Variants in ULK4 observed in about 807,000 individuals in gnomAD.
ULK4 encodes the protein unc-51 like kinase 4.
A neutral mutation model predicts 160.6 loss-of-function variants in ULK4; 133 were observed. The ratio of observed to expected loss-of-function variants is 0.83; its 90% CI spans 0.72 to 0.96. The LOEUF (loss-of-function observed/expected upper bound fraction) is 0.96. ULK4 is among the 40% of genes least tolerant of loss of function. The pLI, the probability that ULK4 is intolerant of heterozygous loss-of-function variation, is 0.00. For missense variants in ULK4, 1,580 were observed against 1,499.5 expected, an observed-to-expected ratio of 1.05 and a Z score of -0.89; for synonymous variants, 534 against 539.8, an observed-to-expected ratio of 0.99 and a Z score of 0.15.
At chr3:41,423,278 T>C (rs1219146006) in intron 34 of ULK4, among the ~76,000 whole-genome samples, 4 of 152,148 alleles carry the variant, frequency 2.6e-5, no homozygotes. Flanking sequence ...CACTTCTATA[T>C]TGCTTGAATT....
intron 17 of ULK4, among the ~76,000 whole-genome samples, chr3:41,860,856 C>A (rs748754288): frequency 2.0e-5 from 3 of 151,968 alleles, no homozygotes; most frequent in African/African-American, 2.4e-5. Flanking sequence ...GATTTAGTTT[C>A]TTGCTTTTTA....
At chr3:41,445,744 C>A (rs1404924065) in intron 34 of ULK4, among the ~76,000 whole-genome samples, 15 of 152,146 alleles carry the variant, frequency 9.9e-5, no homozygotes, top group South Asian at 4.2e-4. Flanking sequence ...TAAAGACTTA[C>A]ATGTTAGACC....
chr3:41,704,126 T>C (rs895672239), intron 27 of ULK4, among the ~76,000 whole-genome samples: 2 of 152,194 alleles, frequency 1.3e-5, no homozygotes, highest in Non-Finnish European at 2.9e-5. Flanking sequence ...TGTTGGAAAT[T>C]TGAAAAACAT....
chr3:41,257,615 A>G (rs1243951770), intron 35 of ULK4, among the ~76,000 whole-genome samples: 1 of 147,210 alleles, frequency 6.8e-6, no homozygotes, highest in African/African-American at 2.6e-5. Context: ...CCTGGGTGAC[A>G]GGGTGAGACT....
At chr3:41,634,731 C>G (rs1165503386) in intron 30 of ULK4, among the ~76,000 whole-genome samples, 2 of 152,094 alleles carry the variant, frequency 1.3e-5, no homozygotes, top group Non-Finnish European at 2.9e-5. Context: ...GGTGACTGAG[C>G]CTTGATTTCT....
At chr3:41,385,575 C>T (rs2081787683) in intron 35 of ULK4, among the ~76,000 whole-genome samples, 1 of 152,078 alleles carries the variant, frequency 6.6e-6, no homozygotes, top group Admixed American at 6.6e-5. Context: ...GTATGCACAG[C>T]CACATGTGCA....
rs746781905 is a variant in ULK4 at position 41,654,037 on chromosome 3, T to C, written c.3071+9570A>G. Among the ~76,000 whole-genome samples the C allele has an allele frequency of 3.3e-5, 5 of 152,348 alleles. No individual in the cohort carries two copies. The East Asian group carries it at 5.8e-4, about 18-fold the overall frequency. On this transcript the variant is annotated intron_variant, in intron 30 of 36. Transcript: ENST00000301831. Reference sequence around the variant, plus strand: ...CCCAGAAATAACTGTTAAGAATTCATGTGACCGTAAACTCACATCTATGTT... The same window carrying C: ...CCCAGAAATAACTGTTAAGAATTCACGTGACCGTAAACTCACATCTATGTT...
At chr3:41,819,904 T>C (rs1409585523) in intron 18 of ULK4, among the ~76,000 whole-genome samples, 2 of 152,208 alleles carry the variant, frequency 1.3e-5, no homozygotes. Flanking sequence ...AACACAAGTT[T>C]GAGTAATATC....
At chr3:41,403,043 G>A (rs146709767) in intron 34 of ULK4, among the ~76,000 whole-genome samples, 201 of 152,092 alleles carry the variant, frequency 1.3e-3, no homozygotes, top group African/African-American at 4.2e-3. Flanking sequence ...CCAGCTACTT[G>A]GGAGGCTGAG....
chr3:41,549,223 G>A (rs4973965), intron 32 of ULK4, among the ~76,000 whole-genome samples: 77,604 of 151,878 alleles, frequency 0.51, 19,931 homozygotes, highest in Middle Eastern at 0.57. Context: ...AGGTATTTGT[G>A]AAAAAGAATT....
intron 5 of ULK4, among the ~76,000 whole-genome samples, chr3:41,930,090 C>T (rs775737499): frequency 2.0e-5 from 3 of 152,138 alleles, no homozygotes; most frequent in Admixed American, 6.5e-5. Context: ...TCAAACTATA[C>T]TACAAGGCCA....
chr3:41,925,613 G>A (rs1699356045), intron 5 of ULK4, among the ~76,000 whole-genome samples: 1 of 152,158 alleles, frequency 6.6e-6, no homozygotes, highest in African/African-American at 2.4e-5. Context: ...AGGCTCAGCG[G>A]GTCCCACCCC....
chr3:41,867,507 G>C lies in ULK4; in HGVS notation c.1656+16367C>G, dbSNP rs1228551715. On this transcript the variant is annotated intron_variant, in intron 17 of 36. Transcript: ENST00000301831. ...ATGCCTCAGCCTCCCAAGTAGCTGGGATTACCGGTGTGTACCACCATGCCC... is the reference window on the plus strand; with the variant it reads ...ATGCCTCAGCCTCCCAAGTAGCTGGCATTACCGGTGTGTACCACCATGCCC... Among the ~76,000 whole-genome samples the C allele has an allele frequency of 2.0e-5, 3 of 152,144 alleles. No individual in the cohort carries two copies. The South Asian group carries it at 6.2e-4, about 31-fold the overall frequency.
At chr3:41,440,062 G>T (rs1382968584) in intron 34 of ULK4, among the ~76,000 whole-genome samples, 1 of 152,150 alleles carries the variant, frequency 6.6e-6, no homozygotes, top group African/African-American at 2.4e-5. Context: ...CTGCAATGTG[G>T]ACAGACTTCT....
intron 2 of ULK4, among the ~76,000 whole-genome samples, chr3:41,947,466 C>T (rs1293955703): frequency 2.6e-5 from 4 of 152,110 alleles, no homozygotes; most frequent in Admixed American, 2.0e-4. Context: ...CAAACTCTTC[C>T]TTACATGTAA....
chr3:41,587,081 G>A (rs953333376), intron 31 of ULK4, among the ~76,000 whole-genome samples: 2 of 152,170 alleles, frequency 1.3e-5, no homozygotes, highest in Admixed American at 6.5e-5. Context: ...CTCCATGGAA[G>A]AATCCTCTTC....
intron 19 of ULK4, among the ~76,000 whole-genome samples, chr3:41,810,262 A>C (rs1443517294): frequency 1.3e-5 from 2 of 152,192 alleles, no homozygotes; most frequent in Admixed American, 6.6e-5. Flanking sequence ...AAATCATTTA[A>C]GGCTATGAAC....
chr3:41,736,721 C>T (rs979096343), intron 22 of ULK4, among the ~76,000 whole-genome samples: 3 of 151,112 alleles, frequency 2.0e-5, no homozygotes, highest in Non-Finnish European at 4.4e-5. Flanking sequence ...TCAATTTTGT[C>T]TTTTGTTGCC....
chr3:41,914,856 A>G (rs1698914386), intron 8 of ULK4: 4 of 152,130 alleles, frequency 2.6e-5, no homozygotes, highest in Admixed American at 2.0e-4. Flanking sequence ...CATCTCTACT[A>G]AAAACACAAA....
Sources: gnomAD v4.1 joint callset for allele counts (sites outside exome capture counted in the v4.1 genomes callset) on GRCh38, gnomAD v4.1.1 for gene constraint, MANE v1.5 for transcripts, NCBI Gene and HGNC (gene_info 2026-07-23, HGNC 2026-07-21) for gene names.